The following CERT1 variants were observed in gnomAD, a reference collection of about 807,000 sequenced individuals.
The protein encoded by CERT1 is ceramide transfer protein.
Under a neutral mutation model 87.9 loss-of-function variants are expected in CERT1, and 31 were observed. The observed-to-expected ratio is 0.35, with a 90% CI of 0.27 to 0.48. CERT1 has a LOEUF of 0.48. Among genes scored for constraint, CERT1 ranks in the 20% least tolerant of loss-of-function variants. The pLI is 0.99. For missense variants in CERT1, 487 were observed against 758.0 expected, an observed-to-expected ratio of 0.64 and a Z score of 4.20; for synonymous variants, 289 against 250.9, an observed-to-expected ratio of 1.15 and a Z score of -1.44.
intron 9 of CERT1, chr5:75,402,483 T>C (rs1363294297): frequency 1.3e-5 from 2 of 152,168 alleles, no homozygotes; most frequent in South Asian, 2.1e-4. Flanking sequence ...AATTCACATA[T>C]AAAGGAACTG....
chr5:75,406,261 T>A (rs1317635697), intron 8 of CERT1, among the ~76,000 whole-genome samples: 2 of 152,260 alleles, frequency 1.3e-5, no homozygotes, highest in Admixed American at 1.3e-4. Context: ...AATATTATTT[T>A]GCTTCTGACT....
At chr5:75,474,641 C>T (rs899979714) in intron 2 of CERT1, among the ~76,000 whole-genome samples, 6 of 152,154 alleles carry the variant, frequency 3.9e-5, no homozygotes, top group African/African-American at 1.4e-4. Context: ...ACTAGAGAGA[C>T]AGTCTCTTTA....
In CERT1 at chr5:75,485,800, T is replaced by C. The variant is rs116899930; in HGVS notation, c.231+20182A>G. Reference sequence around the variant, plus strand: ...CCTAGACAGATACAACCTACCAATATTGAACCAGGAAGAAATTTAAAACCT... The same window carrying C: ...CCTAGACAGATACAACCTACCAATACTGAACCAGGAAGAAATTTAAAACCT... On this transcript the variant is annotated intron_variant, in intron 2 of 16. Transcript: ENST00000643780. Among the ~76,000 whole-genome samples the C allele has an allele frequency of 1.1e-3, 163 of 152,184 alleles. 1 individual carries two copies. The East Asian group carries it at 0.027, about 25-fold the overall frequency.
At chr5:75,503,445 TTAAC>T (rs1466547593) in intron 2 of CERT1, among the ~76,000 whole-genome samples, 1 of 152,026 alleles carries the variant, frequency 6.6e-6, no homozygotes, top group Non-Finnish European at 1.5e-5. Context: ...ATTTATTTAT[TTAAC>T]TAAAGTACAT....
At chr5:75,399,519 C>G (rs1580716625) in intron 10 of CERT1, 132 bp from the exon 11 acceptor site, 1 of 682,346 alleles carries the variant, frequency 1.5e-6, no homozygotes, top group East Asian at 2.7e-5. Flanking sequence ...ACAGCAGCAA[C>G]TGCTGACTTC....
rs770615248 is a variant in CERT1, at chr5:75,506,136, G to C, written c.97-20C>G. 1 of 1,608,160 alleles carries C rather than the reference G, an allele frequency of 6.2e-7. No individual in the cohort carries two copies. Among genetic ancestry groups the C allele is most frequent in the Non-Finnish European group, 8.5e-7 (1 of 1,177,132 alleles). On this transcript the variant is annotated intron_variant, in intron 1 of 16. Coordinates refer to ENST00000643780, the MANE Select transcript of CERT1 (RefSeq NM_001379029.1). ...TGTCCACTGGGAGTGGGAAGGGGAA[G>C]GGAAGAGAGAAGAAAACAAAAAATA...
chr5:75,463,023 T>G (rs1434284066), intron 2 of CERT1, among the ~76,000 whole-genome samples: 1 of 141,172 alleles, frequency 7.1e-6, no homozygotes, highest in Non-Finnish European at 1.5e-5. Flanking sequence ...GTCATGGACA[T>G]GTTAAACAGA....
chr5:75,468,851 C>T (rs1454904667), intron 2 of CERT1, among the ~76,000 whole-genome samples: 1 of 152,146 alleles, frequency 6.6e-6, no homozygotes, highest in Non-Finnish European at 1.5e-5. Context: ...GCAAACATTC[C>T]AATAAGTACC....
intron 3 of CERT1, among the ~76,000 whole-genome samples, chr5:75,427,938 G>T (rs752164388): frequency 6.6e-6 from 1 of 151,852 alleles, no homozygotes; most frequent in East Asian, 1.9e-4. Context: ...CAAACCTATG[G>T]TTACAATGAA....
intron 3 of CERT1, among the ~76,000 whole-genome samples, chr5:75,431,312 T>C (rs1580761050): frequency 6.6e-6 from 1 of 152,122 alleles, no homozygotes; most frequent in East Asian, 1.9e-4. Context: ...GAACATGTGG[T>C]ATTTGGTTTT....
chr5:75,455,957 A>G (rs1330726796), intron 3 of CERT1, among the ~76,000 whole-genome samples: 1 of 152,206 alleles, frequency 6.6e-6, no homozygotes, highest in African/African-American at 2.4e-5. Context: ...TAATACAATG[A>G]TTAGTACTTG....
intron 3 of CERT1, among the ~76,000 whole-genome samples, chr5:75,434,430 T>C (rs950621887): frequency 6.6e-6 from 1 of 152,254 alleles, no homozygotes; most frequent in East Asian, 1.9e-4. Flanking sequence ...CATCTCAGTT[T>C]ATCAGGGATA....
chr5:75,371,480 G>T (rs1761082875), intron 17 of CERT1: 1 of 152,208 alleles, frequency 6.6e-6, no homozygotes, highest in Non-Finnish European at 1.5e-5. Context: ...ATTAGTTGAT[G>T]AAACTGAACA....
At chr5:75,420,498 C>T (rs940240814) in intron 5 of CERT1, among the ~76,000 whole-genome samples, 3 of 151,938 alleles carry the variant, frequency 2.0e-5, no homozygotes, top group Admixed American at 1.3e-4. Flanking sequence ...CGCCTGCCAC[C>T]ATGCCTGGCT....
At chr5:75,376,866 AAAAG>A (rs1363708489), downstream of CERT1, 1 of 152,186 alleles carries the variant, frequency 6.6e-6, no homozygotes, top group Non-Finnish European at 1.5e-5. Flanking sequence ...TGCATTTTTT[AAAAG>A]AAAGACATAC....
chr5:75,382,863 T>C (rs1252429006), intron 14 of CERT1, among the ~76,000 whole-genome samples: 4 of 151,968 alleles, frequency 2.6e-5, no homozygotes, highest in East Asian at 1.9e-4. Context: ...GTTGGGTAAA[T>C]TGTGTGGAGA....
chr5:75,481,601 T>A lies in CERT1; in HGVS notation c.232-22420A>T, dbSNP rs377475751. 9.2e-5 allele frequency among the ~76,000 whole-genome samples: 14 copies of A among 152,282 alleles called. No individual in the cohort carries two copies. The East Asian group carries it at 2.3e-3, about 25-fold the overall frequency. On this transcript the variant is annotated intron_variant, in intron 2 of 16. Coordinates refer to ENST00000643780, the MANE Select transcript of CERT1 (RefSeq NM_001379029.1). The stretch of plus-strand genomic sequence containing the variant: ...AACTATATCATCCCCAAATGTAAAA[T>A]ATCTTAAACAATTTGTTTTCTGTTT...
At chr5:75,470,102 T>C (rs1016745744) in intron 2 of CERT1, among the ~76,000 whole-genome samples, 16 of 152,202 alleles carry the variant, frequency 1.1e-4, no homozygotes, top group African/African-American at 3.9e-4. Flanking sequence ...CACACAATAA[T>C]AGTAGGGAAA....
intron 2 of CERT1, among the ~76,000 whole-genome samples, chr5:75,470,356 C>G (rs1317618542): frequency 1.3e-5 from 2 of 152,002 alleles, no homozygotes; most frequent in Non-Finnish European, 2.9e-5. Flanking sequence ...CTTTTCTGAC[C>G]ACAATGGTAT....
Sources: gnomAD v4.1 joint callset for allele counts (sites outside exome capture counted in the v4.1 genomes callset) on GRCh38, gnomAD v4.1.1 for gene constraint, MANE v1.5 for transcripts, NCBI Gene and HGNC (gene_info 2026-07-23, HGNC 2026-07-21) for gene names.